TAB2: variants seen among roughly 807,000 people sequenced by gnomAD.
TAB2 encodes TGF-beta activated kinase 1 (MAP3K7) binding protein 2, also known as TGF-beta-activated kinase 1 and MAP3K7-binding protein 2.
A neutral mutation model predicts 65.0 loss-of-function variants in TAB2; 3 were observed. That is an observed-to-expected ratio of 0.05 (90% confidence interval 0.02 to 0.12). The LOEUF is 0.12. Among genes scored for constraint, TAB2 ranks in the 10% least tolerant of loss-of-function variants. The probability of loss-of-function intolerance (pLI) is 1.00; values close to 1 mark genes in which losing one functional copy is unlikely to be tolerated. For synonymous variants in TAB2, 298 were observed against 285.1 expected, an observed-to-expected ratio of 1.05 and a Z score of -0.46; for missense variants, 623 against 840.3, an observed-to-expected ratio of 0.74 and a Z score of 3.20.
At chr6:149,390,844 A>G (rs1197881607) in intron 3 of TAB2, among the ~76,000 whole-genome samples, 1 of 152,178 alleles carries the variant, frequency 6.6e-6, no homozygotes, top group Non-Finnish European at 1.5e-5. Context: ...TGTTCACTGC[A>G]AAGCCCAGTC....
chr6:149,329,928 G>A (rs1273878705), intron 1 of TAB2, among the ~76,000 whole-genome samples: 1 of 152,056 alleles, frequency 6.6e-6, no homozygotes, highest in Non-Finnish European at 1.5e-5. Flanking sequence ...TTCACAATTA[G>A]GTTATAAAAA....
Position 149,410,667 on chromosome 6 carries a change from G to C in TAB2, c.*948G>C, listed in dbSNP as rs1029776917. ...GTGAATTGCAGATGATATTACAGAA[G>C]TGATGTCTGTAGGTCACATTAAATA... On this transcript the variant is annotated 3_prime_UTR_variant, in exon 7 of 7. Transcript: ENST00000637181. The C allele has an allele frequency of 3.3e-5, 5 of 152,670 alleles. No homozygotes were observed. Among genetic ancestry groups the C allele is most frequent in the Admixed American group, 1.3e-4 (2 of 15,288 alleles). The allele number at this position is 152,670 out of a possible 1,614,324, so 9.5% of individuals were successfully genotyped here.
At chr6:149,221,554 T>G (rs142762044) in intron 1 of TAB2, among the ~76,000 whole-genome samples, 304 of 152,350 alleles carry the variant, frequency 2.0e-3, no homozygotes, top group Non-Finnish European at 2.8e-3. Flanking sequence ...AGAGAGCCAC[T>G]GCTACAGCCA....
chr6:149,367,897 T>C (rs915329724), intron 1 of TAB2, among the ~76,000 whole-genome samples: 1 of 152,150 alleles, frequency 6.6e-6, no homozygotes, highest in Non-Finnish European at 1.5e-5. Context: ...TTGGACATAC[T>C]GAGCTTGAAA....
rs549308881 is a variant in TAB2, at chr6:149,392,903, G to T, written c.1604-4701G>T. On this transcript the variant is annotated intron_variant, in intron 3 of 6. Transcript: ENST00000637181. Reference sequence around the variant, plus strand: ...TTGTTTCATAATGGACAAATATTGGGTGTTATTTTGTAAACTCAAGGTTAA... The same window carrying T: ...TTGTTTCATAATGGACAAATATTGGTTGTTATTTTGTAAACTCAAGGTTAA... Among the ~76,000 whole-genome samples, 12 of 152,250 alleles carry T rather than the reference G, an allele frequency of 7.9e-5. No homozygotes were observed. The South Asian group carries it at 2.5e-3, about 32-fold the overall frequency.
chr6:149,240,548 T>C (rs974751050), intron 1 of TAB2, among the ~76,000 whole-genome samples: 1 of 142,130 alleles, frequency 7.0e-6, no homozygotes, highest in African/African-American at 2.4e-5. Context: ...AACTGTAGAA[T>C]AATAGCATCA....
intron 1 of TAB2, among the ~76,000 whole-genome samples, chr6:149,345,652 G>A (rs1012635799): frequency 4.6e-5 from 7 of 152,258 alleles, no homozygotes; most frequent in African/African-American, 1.7e-4. Context: ...AATAATTAGT[G>A]TGTGTATACT....
chr6:149,305,814 C>T lies in TAB2; in HGVS notation c.-120-72204C>T, dbSNP rs143594334. 6.3e-3 allele frequency among the ~76,000 whole-genome samples: 955 copies of T among 152,306 alleles called. 14 individuals carry two copies. The highest frequency in any genetic ancestry group is 0.022 in the African/African-American group (912 of 41,570). On this transcript the variant is annotated intron_variant, in intron 1 of 1. Coordinates refer to the TAB2 transcript ENST00000606202. ...ACAGACTTATGATTATAAAGTTCTT[C>T]AGAATGCATAAGGTTTTCCATTTTA...
chr6:149,283,318 T>G (rs1368524156), intron 1 of TAB2, among the ~76,000 whole-genome samples: 1 of 152,230 alleles, frequency 6.6e-6, no homozygotes, highest in African/African-American at 2.4e-5. Flanking sequence ...GGCAGTAAGT[T>G]ATATCTTCAT....
intron 1 of TAB2, among the ~76,000 whole-genome samples, chr6:149,324,109 A>C (rs1280740927): frequency 1.3e-5 from 2 of 152,118 alleles, no homozygotes; most frequent in African/African-American, 2.4e-5. Flanking sequence ...TTCTTGTTTC[A>C]CTTAAGAAGA....
At chr6:149,293,209 T>A (rs1778808283) in intron 1 of TAB2, among the ~76,000 whole-genome samples, 1 of 152,214 alleles carries the variant, frequency 6.6e-6, no homozygotes, top group Admixed American at 6.5e-5. Context: ...GGGGGAAGTG[T>A]AAATGGAATT....
intron 1 of TAB2, among the ~76,000 whole-genome samples, chr6:149,248,463 G>GAAAA (rs751328994): frequency 1.5e-5 from 2 of 130,702 alleles, no homozygotes; most frequent in East Asian, 2.1e-4. Flanking sequence ...AAAGAAGGAA[G>GAAAA]GAAGGAAAGA....
intron 1 of TAB2, among the ~76,000 whole-genome samples, chr6:149,280,931 CA>C (rs9322172): frequency 0.42 from 48,200 of 114,774 alleles, 8,054 homozygotes; most frequent in Middle Eastern, 0.51. Flanking sequence ...GACCTCGTCT[CA>C]AAAAAAAAAA....
Position 149,379,444 on chromosome 6 carries a change from C to T in TAB2, c.1529C>T (p.Thr510Ile). 6.2e-7 allele frequency: 1 copy of T among 1,614,090 alleles called. No individual in the cohort carries two copies. The highest frequency in any genetic ancestry group is 8.5e-7 in the Non-Finnish European group (1 of 1,180,004). The change falls in exon 3 of 7, where the codon ACA (threonine) becomes ATA (isoleucine). Residue 510 changes from threonine to isoleucine, a missense_variant. By Grantham distance (89) the Thr-to-Ile change is moderately conservative. Coordinates refer to ENST00000637181, the MANE Select transcript of TAB2 (RefSeq NM_001292034.3). ...AATATTCAGCACCTCACGGACCCTACATTAGCACATGTGGATAGAATAAGT... is the reference window on the plus strand; with the variant it reads ...AATATTCAGCACCTCACGGACCCTATATTAGCACATGTGGATAGAATAAGT... ...TENIQHLTDP[T>I]LAHVDRISET...
At chr6:149,367,698 G>A (rs1162858406) in intron 1 of TAB2, among the ~76,000 whole-genome samples, 1 of 152,134 alleles carries the variant, frequency 6.6e-6, no homozygotes, top group Non-Finnish European at 1.5e-5. Flanking sequence ...TGGTGGCTTG[G>A]ACAAGAGCAG....
At chr6:149,308,000 T>G (rs927506305) in intron 1 of TAB2, among the ~76,000 whole-genome samples, 1 of 152,256 alleles carries the variant, frequency 6.6e-6, no homozygotes, top group East Asian at 1.9e-4. Context: ...ATCTACCTCC[T>G]TCCTGTAATA....
chr6:149,308,037 A>G (rs9498313), intron 1 of TAB2, among the ~76,000 whole-genome samples: 9,913 of 152,252 alleles, frequency 0.065, 1,027 homozygotes, highest in African/African-American at 0.22. Flanking sequence ...TTTCATGTCA[A>G]TGTATATAGA....
intron 1 of TAB2, among the ~76,000 whole-genome samples, chr6:149,283,131 G>T (rs748778761): frequency 5.9e-5 from 9 of 152,150 alleles, no homozygotes; most frequent in Non-Finnish European, 1.2e-4. Flanking sequence ...GAGGCTCCCC[G>T]GGTGACACCG....
At chr6:149,304,283 G>A (rs1193206310) in intron 1 of TAB2, 1 of 152,664 alleles carries the variant, frequency 6.6e-6, no homozygotes, top group African/African-American at 2.4e-5. Context: ...ACCTGGTGTG[G>A]TTTCCTCACA....
Sources: gnomAD v4.1 joint callset for allele counts (sites outside exome capture counted in the v4.1 genomes callset) on GRCh38, gnomAD v4.1.1 for gene constraint, MANE v1.5 for transcripts, NCBI Gene and HGNC (gene_info 2026-07-23, HGNC 2026-07-21) for gene names.